TAC3: variants seen among roughly 807,000 people sequenced by gnomAD.
TAC3 encodes the protein tachykinin precursor 3.
TAC3 carries 9 observed loss-of-function variants against 16.5 expected under a neutral mutation model. The observed-to-expected ratio is 0.55, with a 90% CI of 0.33 to 0.95. The LOEUF is 0.95. TAC3 is among the 40% of genes least tolerant of loss of function. The probability of loss-of-function intolerance (pLI) is 0.03; values close to 1 mark genes in which losing one functional copy is unlikely to be tolerated. For synonymous variants in TAC3, 52 were observed against 56.7 expected (o/e 0.92, Z 0.37); for missense variants, 129 against 149.1 (o/e 0.87, Z 0.70).
chr12:57,015,673 G>T lies in TAC3; in HGVS notation c.114+11C>A, dbSNP rs1463561818. ...CGTGATGTCCCCAGTACTCTGCCAG[G>T]GGAGACTTACCTTGCTGCGGCCCCC... On this transcript the variant is annotated intron_variant, in intron 2 of 6. Coordinates refer to ENST00000458521, the MANE Select transcript of TAC3 (RefSeq NM_013251.4). The T allele has an allele frequency of 3.7e-6, 6 of 1,611,860 alleles. No individual in the cohort carries two copies. Among genetic ancestry groups the T allele is most frequent in the Non-Finnish European group, 5.1e-6 (6 of 1,178,756 alleles).
chr12:57,012,468 C>T lies in TAC3; in HGVS notation c.293-16G>A. 12 of 1,613,902 alleles carry T rather than the reference C, an allele frequency of 7.4e-6. No individual in the cohort carries two copies. Among genetic ancestry groups the T allele is most frequent in the Non-Finnish European group, 1.0e-5 (12 of 1,179,912 alleles). ...GTAGGAGAGTCTAGGGTAAAGCGAACAGTGTAAGTAAGAGGGATCTTTCTG... is the reference window on the plus strand; with the variant it reads ...GTAGGAGAGTCTAGGGTAAAGCGAATAGTGTAAGTAAGAGGGATCTTTCTG... On this transcript the variant is annotated splice_polypyrimidine_tract_variant and intron_variant, in intron 5 of 6. Transcript: ENST00000458521.
Position 57,012,385 on chromosome 12 carries a change from T to G in TAC3, c.360A>C (p.Ala120=), listed in dbSNP as rs1199413288. ...CTAATGAACAATCCTTACCCTATTC[T>G]GCTCTCGGGGGATACTTGAGGATGC... The part of the protein sequence containing the change: ...SFGILKYPPR[A]E Residue 120 remains alanine (A), a synonymous_variant, in exon 6 of 7, where the codon GCA becomes GCC. Transcript: ENST00000458521. 2.5e-6 allele frequency: 4 copies of G among 1,611,770 alleles called. No homozygotes were observed. Among genetic ancestry groups the G allele is most frequent in the South Asian group, 2.2e-5 (2 of 90,984 alleles).
At chr12:57,012,502 C>G in intron 5 of TAC3, 50 bp from the exon 6 acceptor site, 1 of 1,610,038 alleles carries the variant, frequency 6.2e-7, no homozygotes, top group Non-Finnish European at 8.5e-7. Context: ...TGAATGTGAA[C>G]TACACCCTGA....
chr12:57,012,934 G>A, intron 4 of TAC3, 59 bp from the exon 5 acceptor site: 2 of 1,603,876 alleles, frequency 1.2e-6, no homozygotes, highest in Non-Finnish European at 1.7e-6. Context: ...CATCTCCCCA[G>A]ACATGGGTCA....
intron 2 of TAC3, among the ~76,000 whole-genome samples, chr12:57,014,437 C>T (rs560151886): frequency 6.6e-6 from 1 of 152,146 alleles, no homozygotes; most frequent in Non-Finnish European, 1.5e-5. Context: ...ACAGAACACA[C>T]CCCCACACAT....
At chr12:57,011,581 G>A (rs1224259495) in intron 6 of TAC3, among the ~76,000 whole-genome samples, 1 of 152,148 alleles carries the variant, frequency 6.6e-6, no homozygotes, top group African/African-American at 2.4e-5. Flanking sequence ...GAAACATTAG[G>A]ACATCCCCCA....
chr12:57,013,303 C>A, intron 4 of TAC3, 56 bp downstream of exon 4: 1 of 1,601,642 alleles, frequency 6.2e-7, no homozygotes, highest in Admixed American at 1.7e-5. Flanking sequence ...GGGCCCAATG[C>A]CCCACAGAGC....
chr12:57,016,125 G>C (rs1160772303), intron 1 of TAC3, among the ~76,000 whole-genome samples: 1 of 152,220 alleles, frequency 6.6e-6, no homozygotes, highest in African/African-American at 2.4e-5. Flanking sequence ...TCCTCAGTCA[G>C]CTGGAGGAGG....
intron 2 of TAC3, 126 bp from the exon 3 acceptor site, chr12:57,013,797 C>T (rs1956337021): frequency 2.4e-6 from 2 of 833,282 alleles, no homozygotes; most frequent in Non-Finnish European, 3.9e-6. Flanking sequence ...TTCAGAGTTT[C>T]CTCTGGTTCA....
chr12:57,012,568 C>G (rs1956315392), intron 5 of TAC3, 116 bp from the exon 6 acceptor site: 2 of 1,604,662 alleles, frequency 1.2e-6, no homozygotes, highest in East Asian at 4.5e-5. Context: ...AGTTGGGAGA[C>G]TGGGGTGGAA....
chr12:57,011,056 G>A (rs1441260999), intron 6 of TAC3, among the ~76,000 whole-genome samples: 4 of 152,188 alleles, frequency 2.6e-5, no homozygotes, highest in Admixed American at 6.5e-5. Flanking sequence ...ATAGCTGCTC[G>A]TATAATTATC....
Position 57,010,212 on chromosome 12 carries a change from C to T in TAC3, c.*78G>A. The T allele has an allele frequency of 4.4e-6, 2 of 454,012 alleles. No individual in the cohort carries two copies. The highest frequency in any genetic ancestry group is 3.1e-5 in the South Asian group (2 of 64,460). The allele number at this position is 454,012 out of a possible 1,614,324, so 28.1% of individuals were successfully genotyped here. ...CAAGAACAGGGAAGAGAAAGGGTAA[C>T]AGGAGCGTGCGCACCTGGGGATTGG... On this transcript the variant is annotated 3_prime_UTR_variant, in exon 7 of 7. Coordinates refer to ENST00000458521, the MANE Select transcript of TAC3 (RefSeq NM_013251.4).
At chr12:57,011,933 C>A (rs1055263976) in intron 6 of TAC3, among the ~76,000 whole-genome samples, 6 of 152,216 alleles carry the variant, frequency 3.9e-5, no homozygotes, top group Non-Finnish European at 5.9e-5. Context: ...ACCTTCTGGG[C>A]CCCGTAACCC....
chr12:57,013,388 T>C lies in TAC3; in HGVS notation c.209A>G (p.Asp70Gly). The change falls in exon 4 of 7, where the codon GAT becomes GGT. Residue 70 changes from aspartate (D) to glycine (G), a missense_variant and splice_region_variant. Coordinates refer to ENST00000458521, the MANE Select transcript of TAC3 (RefSeq NM_013251.4). ...CTCGGGAGATGTTGATTCCTTAGGA[T>C]CTGTGAAACCAAGAACAGATGTCTA... ...LLKALSQAST[D>G]PKESTSPEKR... 6.2e-7 allele frequency: 1 copy of C among 1,613,974 alleles called. No individual in the cohort carries two copies. The highest frequency in any genetic ancestry group is 1.3e-5 in the African/African-American group (1 of 74,978).
intron 1 of TAC3, among the ~76,000 whole-genome samples, 180 bp downstream of exon 1, chr12:57,016,207 G>T (rs531441659): frequency 2.0e-5 from 3 of 152,114 alleles, no homozygotes; most frequent in Non-Finnish European, 4.4e-5. Flanking sequence ...ATGAAAGAAT[G>T]AGTCTGTAGC....
In TAC3 at chr12:57,015,698, C is replaced by G; in HGVS notation, c.100G>C (p.Gly34Arg). The G allele has an allele frequency of 6.2e-7, 1 of 1,613,896 alleles. No homozygotes were observed. Among genetic ancestry groups the G allele is most frequent in the Non-Finnish European group, 8.5e-7 (1 of 1,179,978 alleles). ...GGGAGACTTACCTTGCTGCGGCCCC[C>G]GCCAGGAACCACCTCCTCCTGTGGC... ...KEPQEEVVPGGGRSKRDPDLY... is the reference protein window; with the variant it reads ...KEPQEEVVPGRGRSKRDPDLY... The change falls in exon 2 of 7, where the codon GGG becomes CGG. Residue 34 changes from glycine (G) to arginine (R), a missense_variant. Coordinates refer to ENST00000458521, the MANE Select transcript of TAC3 (RefSeq NM_013251.4).
rs1463940143 is a variant in TAC3, at chr12:57,010,244, G to A, written c.*46C>T. 3 of 453,910 alleles carry A rather than the reference G, an allele frequency of 6.6e-6. No individual in the cohort carries two copies. Among genetic ancestry groups the A allele is most frequent in the Non-Finnish European group, 1.3e-5 (3 of 226,774 alleles). 28.1% of individuals were successfully genotyped at this position (453,910 alleles called of 1,614,324 possible). A position where few individuals can be genotyped will look rare whatever the true frequency, so the allele number is the denominator to read the frequency against. ...GTGCGCACCTGGGGATTGGGACAGG[G>A]AAAGAGGTCTTCCTAATGCAGTCCA... On this transcript the variant is annotated 3_prime_UTR_variant, in exon 7 of 7. Transcript: ENST00000458521.
intron 2 of TAC3, 67 bp from the exon 3 acceptor site, chr12:57,013,738 A>C: frequency 7.7e-7 from 1 of 1,298,368 alleles, no homozygotes; most frequent in Non-Finnish European, 1.1e-6. Flanking sequence ...CTTTTCCCAC[A>C]AGAAACAGCC....
At chr12:57,015,327 AGATCTGTCCCTTGCAAAGG>A (rs1956357461) in intron 2 of TAC3, among the ~76,000 whole-genome samples, 1 of 152,194 alleles carries the variant, frequency 6.6e-6, no homozygotes, top group Admixed American at 6.5e-5. Context: ...GAAATAGAAG[AGATCTGTCCCTTGCAAAGG>A]GACCTGAGGT....
Sources: allele counts gnomAD v4.1 joint callset (sites outside exome capture counted in the v4.1 genomes callset), GRCh38; gene constraint gnomAD v4.1.1; transcripts MANE v1.5; gene names NCBI Gene and HGNC (gene_info 2026-07-23, HGNC 2026-07-21).